ARNT2: variants seen among roughly 807,000 people sequenced by gnomAD.
ARNT2 encodes ARNT protein 2.
A neutral mutation model predicts 91.7 loss-of-function variants in ARNT2; 36 were observed. That is an observed-to-expected ratio of 0.39 (90% CI 0.30 to 0.52). The LOEUF (loss-of-function observed/expected upper bound fraction) is 0.52, where lower values mean the gene tolerates loss of function less well. Among genes scored for constraint, ARNT2 ranks in the 20% least tolerant of loss-of-function variants. ARNT2 has a pLI of 0.72. For synonymous variants in ARNT2, 365 were observed against 347.1 expected, an observed-to-expected ratio of 1.05 and a Z score of -0.57; for missense variants, 775 against 939.3, an observed-to-expected ratio of 0.83 and a Z score of 2.29.
chr15:80,430,473 T>C (rs530671168), intron 1 of ARNT2, among the ~76,000 whole-genome samples: 1 of 152,248 alleles, frequency 6.6e-6, no homozygotes, highest in Non-Finnish European at 1.5e-5. Context: ...TGGAAGCTCC[T>C]TGGATGTGTT....
intron 5 of ARNT2, among the ~76,000 whole-genome samples, chr15:80,501,341 A>G (rs1426615329): frequency 2.0e-5 from 3 of 152,234 alleles, no homozygotes; most frequent in East Asian, 1.9e-4. Flanking sequence ...GTAGAAAAAT[A>G]TACACCATGA....
chr15:80,505,927 G>GTTTTTTATTTT (rs1897267265), intron 5 of ARNT2, among the ~76,000 whole-genome samples: 1 of 88,930 alleles, frequency 1.1e-5, no homozygotes, highest in African/African-American at 4.3e-5. Flanking sequence ...AACATTTGTT[G>GTTTTTTATTTT]TTTTTTTTTT....
Position 80,596,015 on chromosome 15 carries a change from T to C in ARNT2, c.*2317T>C, listed in dbSNP as rs1225457125. On this transcript the variant is annotated 3_prime_UTR_variant, in exon 19 of 19. Transcript: ENST00000303329. ...GGTCTTATGTTTGTTTTGCCTCTTC[T>C]GTTTCTTGGAGGAGAGTTGAGGCTT... The C allele has an allele frequency of 6.6e-6, 1 of 152,278 alleles. No homozygotes were observed. The highest frequency in any genetic ancestry group is 1.5e-5 in the Non-Finnish European group (1 of 68,072). 9.4% of individuals were successfully genotyped at this position (152,278 alleles called of 1,614,324 possible).
intron 3 of ARNT2, among the ~76,000 whole-genome samples, chr15:80,465,605 A>G (rs1004799241): frequency 6.6e-6 from 1 of 152,124 alleles, no homozygotes; most frequent in African/African-American, 2.4e-5. Flanking sequence ...GATTTGGACC[A>G]TGGCAGTGTA....
At chr15:80,542,948 AT>A (rs1897934211) in intron 8 of ARNT2, among the ~76,000 whole-genome samples, 1 of 151,964 alleles carries the variant, frequency 6.6e-6, no homozygotes, top group Admixed American at 6.6e-5. Flanking sequence ...TACAAAAAAA[AT>A]TAGCCAGTGT....
intron 5 of ARNT2, among the ~76,000 whole-genome samples, chr15:80,477,535 T>TCCCCTAA (rs1256488756): frequency 1.3e-5 from 2 of 152,220 alleles, no homozygotes; most frequent in African/African-American, 4.8e-5. Flanking sequence ...AGGTTTGTTG[T>TCCCCTAA]CCCCTAAGGC....
chr15:80,481,296 A>G (rs8035351), intron 5 of ARNT2, among the ~76,000 whole-genome samples: 4,555 of 152,224 alleles, frequency 0.03, 178 homozygotes, highest in East Asian at 0.14. Flanking sequence ...CTGCTCATAT[A>G]CCTTTCATCA....
intron 11 of ARNT2, among the ~76,000 whole-genome samples, chr15:80,559,201 GA>G (rs1184874783): frequency 6.6e-6 from 1 of 152,250 alleles, no homozygotes; most frequent in Admixed American, 6.5e-5. Context: ...AAAAGACAAA[GA>G]AGGAATTTAA....
chr15:80,521,091 T>G (rs1897538274), intron 8 of ARNT2, among the ~76,000 whole-genome samples: 1 of 152,180 alleles, frequency 6.6e-6, no homozygotes, highest in Admixed American at 6.5e-5. Flanking sequence ...CTTGAACAGT[T>G]GTTGGCCAAA....
At chr15:80,535,444 A>C (rs369976919) in intron 8 of ARNT2, among the ~76,000 whole-genome samples, 12 of 152,268 alleles carry the variant, frequency 7.9e-5, no homozygotes, top group African/African-American at 2.9e-4. Context: ...TGCCAGTCTG[A>C]TAGTTTGTGG....
intron 11 of ARNT2, among the ~76,000 whole-genome samples, chr15:80,561,605 G>A (rs1052963136): frequency 1.3e-5 from 2 of 152,146 alleles, no homozygotes; most frequent in Non-Finnish European, 1.5e-5. Context: ...AATATTAAAT[G>A]GAAAATTCCA....
intron 3 of ARNT2, among the ~76,000 whole-genome samples, chr15:80,463,064 C>T (rs537762077): frequency 9.9e-5 from 15 of 152,244 alleles, no homozygotes; most frequent in East Asian, 3.9e-4. Context: ...AGGTCTTTCC[C>T]GGCAGAAAGA....
At chr15:80,514,537 A>G (rs1358160234) in intron 8 of ARNT2, 132 bp downstream of exon 8, 8 of 770,512 alleles carry the variant, frequency 1.0e-5, no homozygotes, top group Admixed American at 2.6e-5. Context: ...GTTAGAACAC[A>G]ATGATCTTTG....
chr15:80,539,593 A>G (rs77580917), intron 8 of ARNT2, among the ~76,000 whole-genome samples: 2,882 of 152,240 alleles, frequency 0.019, 98 homozygotes, highest in African/African-American at 0.065. Context: ...CAAGCCAATA[A>G]GTTAAGGAAA....
At chr15:80,486,922 T>A (rs1013610528) in intron 5 of ARNT2, among the ~76,000 whole-genome samples, 1 of 152,180 alleles carries the variant, frequency 6.6e-6, no homozygotes, top group African/African-American at 2.4e-5. Context: ...GCTGTATCGA[T>A]TCCTCTGCTT....
In ARNT2 at chr15:80,543,131, G is replaced by A. The variant is rs115285040; in HGVS notation, c.878-8068G>A. 6.0e-3 allele frequency among the ~76,000 whole-genome samples: 880 copies of A among 147,006 alleles called. 17 individuals carry two copies. Among genetic ancestry groups the A allele is most frequent in the African/African-American group, 0.021 (852 of 39,834 alleles). On this transcript the variant is annotated intron_variant, in intron 8 of 18. Coordinates refer to ENST00000303329, the MANE Select transcript of ARNT2 (RefSeq NM_014862.4). Reference sequence around the variant, plus strand: ...AAAAAAAAAAAAAAAAGAAAAGTGCGTATATGCCTCTTGCCTTCTTTGCCC... The same window carrying A: ...AAAAAAAAAAAAAAAAGAAAAGTGCATATATGCCTCTTGCCTTCTTTGCCC...
At chr15:80,573,766 T>C (rs1898622265) in intron 12 of ARNT2, among the ~76,000 whole-genome samples, 1 of 152,194 alleles carries the variant, frequency 6.6e-6, no homozygotes, top group South Asian at 2.1e-4. Flanking sequence ...AGTGTGAGGA[T>C]TGGATGAGAT....
chr15:80,532,589 A>G (rs777640130), intron 8 of ARNT2, among the ~76,000 whole-genome samples: 5 of 152,224 alleles, frequency 3.3e-5, no homozygotes, highest in Non-Finnish European at 7.3e-5. Flanking sequence ...GCCACAGGTC[A>G]CTTTCTAAAA....
At chr15:80,484,276 G>A (rs985677274) in intron 5 of ARNT2, among the ~76,000 whole-genome samples, 21 of 151,794 alleles carry the variant, frequency 1.4e-4, no homozygotes, top group African/African-American at 4.8e-4. Flanking sequence ...GCATTTTTAT[G>A]GCAAGAAAAG....
Sources: allele counts gnomAD v4.1 joint callset (sites outside exome capture counted in the v4.1 genomes callset), GRCh38; gene constraint gnomAD v4.1.1; transcripts MANE v1.5; gene names NCBI Gene and HGNC (gene_info 2026-07-23, HGNC 2026-07-21).